The following POM121 variants were observed in gnomAD, a reference collection of about 807,000 sequenced individuals.
POM121 encodes nuclear envelope pore membrane protein POM 121.
POM121 carries 32 observed loss-of-function variants against 81.3 expected under a neutral mutation model. That is an observed-to-expected ratio of 0.39 (90% CI 0.30 to 0.53). The LOEUF (loss-of-function observed/expected upper bound fraction) is 0.53. Among genes scored for constraint, POM121 ranks in the 20% least tolerant of loss-of-function variants. The pLI is 0.66. For synonymous variants in POM121, 514 were observed against 694.2 expected, an observed-to-expected ratio of 0.74 and a Z score of 4.08; for missense variants, 1,138 against 1,614.6, an observed-to-expected ratio of 0.70 and a Z score of 5.06.
intron 4 of POM121, among the ~76,000 whole-genome samples, chr7:72,929,036 A>AGT (rs1221076267): frequency 6.6e-6 from 1 of 152,226 alleles, no homozygotes; most frequent in Non-Finnish European, 1.5e-5. Flanking sequence ...TGGTCAGATC[A>AGT]GTGTACTGCA....
intron 7 of POM121, 123 bp downstream of exon 7, chr7:72,939,532 C>A (rs1210300936): frequency 1.6e-5 from 22 of 1,404,502 alleles, no homozygotes; most frequent in African/African-American, 2.9e-5. Flanking sequence ...ATGTTAGATA[C>A]AAAGAGAGAG....
At chr7:72,941,653 C>CTG (rs1481117871) in intron 10 of POM121, among the ~76,000 whole-genome samples, 184 bp from the exon 11 acceptor site, 8 of 151,962 alleles carry the variant, frequency 5.3e-5, no homozygotes, top group Non-Finnish European at 7.3e-5. Flanking sequence ...GTCTGATGAT[C>CTG]TGTGAGGTAG....
chr7:72,929,571 A>T (rs1381027023), intron 4 of POM121, among the ~76,000 whole-genome samples: 1 of 152,198 alleles, frequency 6.6e-6, no homozygotes, highest in Non-Finnish European at 1.5e-5. Context: ...TTTGACACAC[A>T]TACACCTGTG....
chr7:72,926,665 G>C, intron 2 of POM121, 137 bp from the exon 3 acceptor site: 4 of 1,478,406 alleles, frequency 2.7e-6, no homozygotes, highest in Non-Finnish European at 3.7e-6. Context: ...AGCTTTACTT[G>C]CTAACGGGAA....
intron 1 of POM121, 36 bp from the exon 2 acceptor site, chr7:72,926,226 G>C (rs1554497366): frequency 1.3e-6 from 2 of 1,520,160 alleles, no homozygotes; most frequent in East Asian, 2.5e-5. Context: ...ATTCTTTTTT[G>C]CTTTGGTTCC....
chr7:72,943,605 G>A (rs1415252548), intron 11 of POM121, 83 bp downstream of exon 11: 1 of 1,517,452 alleles, frequency 6.6e-7, no homozygotes, highest in Non-Finnish European at 8.8e-7. Flanking sequence ...GGGAGCTTAT[G>A]CTGTGGCAGT....
chr7:72,936,654 C>T (rs1467023142), intron 5 of POM121, among the ~76,000 whole-genome samples: 2 of 152,206 alleles, frequency 1.3e-5, no homozygotes, highest in Non-Finnish European at 2.9e-5. Context: ...TCAGGTGATC[C>T]TCCTGCCTCA....
chr7:72,922,025 G>C (rs1215630137), upstream of POM121, among the ~76,000 whole-genome samples: 1 of 152,078 alleles, frequency 6.6e-6, no homozygotes, highest in Non-Finnish European at 1.5e-5. Context: ...ACAACGGCAT[G>C]AGTTCTGTTT....
rs570492658 is a variant in POM121, at chr7:72,945,352, G to C, written c.3530-234G>C. Among the ~76,000 whole-genome samples, 1,358 of 151,812 alleles carry C rather than the reference G, an allele frequency of 8.9e-3. 22 individuals carry two copies. Among genetic ancestry groups the C allele is most frequent in the African/African-American group, 0.032 (1,308 of 41,466 alleles). On this transcript the variant is annotated intron_variant, in intron 11 of 12. Transcript: ENST00000434423. ...CACGAGGTGGCTGCGGGGCAGGGGG[G>C]CTTTTTCTCTGCCCTGGCGTGGCCA...
intron 1 of POM121, among the ~76,000 whole-genome samples, chr7:72,886,082 CGTT>C (rs1554489985): frequency 2.0e-5 from 3 of 152,050 alleles, no homozygotes. Flanking sequence ...GTCTTTACAC[CGTT>C]GTTCATTTTA....
chr7:72,921,641 T>C (rs1794826981), upstream of POM121, among the ~76,000 whole-genome samples: 1 of 152,224 alleles, frequency 6.6e-6, no homozygotes, highest in East Asian at 1.9e-4. Context: ...TGTACTGTTT[T>C]ATATATCCAC....
chr7:72,945,235 G>T (rs237933), intron 11 of POM121, among the ~76,000 whole-genome samples: 3 of 152,042 alleles, frequency 2.0e-5, no homozygotes, highest in Non-Finnish European at 2.9e-5. Flanking sequence ...GTGGCTGGGG[G>T]AAAAGGCCTG....
At chr7:72,936,775 G>A (rs1379302355) in intron 5 of POM121, among the ~76,000 whole-genome samples, 3 of 152,044 alleles carry the variant, frequency 2.0e-5, no homozygotes, top group African/African-American at 4.8e-5. Flanking sequence ...GGAGCACATT[G>A]TGAAGAAAAA....
chr7:72,881,998 G>A (rs1160342429), intron 1 of POM121, among the ~76,000 whole-genome samples: 1 of 152,186 alleles, frequency 6.6e-6, no homozygotes, highest in East Asian at 1.9e-4. Context: ...TAGTGTGGCA[G>A]ATCAGCACCA....
At position 72,933,356 on chromosome 7, in the gene POM121, GA is replaced by G. The variant is rs1192408615; in HGVS notation, c.1275+3252del. Among the ~76,000 whole-genome samples the G allele has an allele frequency of 2.0e-5, 3 of 151,814 alleles. 1 individual carries two copies. The highest frequency in any genetic ancestry group is 4.2e-4 in the South Asian group (2 of 4,818). Reference sequence around the variant, plus strand: ...CGACAGAGTGAGATTCTGTCTCAAAGAAAAAAAGGTATCTAATTTTTGTCTC... The same window carrying G: ...CGACAGAGTGAGATTCTGTCTCAAAGAAAAAAGGTATCTAATTTTTGTCTC... On this transcript the variant is annotated intron_variant, in intron 5 of 12. Coordinates refer to ENST00000434423, the MANE Select transcript of POM121 (RefSeq NM_001387691.1).
chr7:72,900,747 G>T (rs782084548), intron 3 of POM121, among the ~76,000 whole-genome samples: 4 of 152,010 alleles, frequency 2.6e-5, no homozygotes, highest in Non-Finnish European at 5.9e-5. Flanking sequence ...TAAGAGATCT[G>T]CCTGCCTCAG....
upstream of POM121, chr7:72,924,997 G>T: frequency 3.0e-6 from 4 of 1,324,618 alleles, no homozygotes; most frequent in South Asian, 4.1e-5. Context: ...GTTGGGTCTC[G>T]GGCGCTGCCG....
chr7:72,924,410 GACT>G (rs1193165412), upstream of POM121: 1 of 152,124 alleles, frequency 6.6e-6, no homozygotes, highest in African/African-American at 2.4e-5. Context: ...TGTATTGGCA[GACT>G]ACCAGACTTT....
intron 3 of POM121, among the ~76,000 whole-genome samples, chr7:72,910,315 C>A (rs1413776396): frequency 1.3e-5 from 2 of 152,072 alleles, no homozygotes; most frequent in African/African-American, 4.8e-5. Context: ...AAATATATAT[C>A]AACTGTTCTT....
Sources: gnomAD v4.1 joint callset for allele counts (sites outside exome capture counted in the v4.1 genomes callset) on GRCh38, gnomAD v4.1.1 for gene constraint, MANE v1.5 for transcripts, NCBI Gene and HGNC (gene_info 2026-07-23, HGNC 2026-07-21) for gene names.